ZFP37: variants seen among roughly 807,000 people sequenced by gnomAD.
ZFP37 encodes ZFP37 zinc finger protein.
A neutral mutation model predicts 52.1 loss-of-function variants in ZFP37; 38 were observed. That is an observed-to-expected ratio of 0.73 (90% CI 0.56 to 0.96). The LOEUF (loss-of-function observed/expected upper bound fraction) is 0.96, where lower values mean the gene tolerates loss of function less well. Ranked by LOEUF, ZFP37 falls within the 40% of genes least tolerant of loss-of-function variation. ZFP37 has a pLI of 0.00. For synonymous variants in ZFP37, 253 were observed against 259.5 expected (o/e 0.98, Z 0.24); for missense variants, 695 against 741.4 (o/e 0.94, Z 0.73).
At position 113,043,162 on chromosome 9, in the gene ZFP37, CCTTAGTATGAGT is replaced by C. The variant is rs763226589; in HGVS notation, c.1444_1455del (p.Thr482_Lys485del). On this transcript the variant is annotated inframe_deletion, in exon 4 of 4. Transcript: ENST00000374227. ...CACTCATTACATTTATAAGGTTTCTCCTTAGTATGAGTTCTTTGATGTATAATGAGGTGTGAC... is the reference window on the plus strand; with the variant it reads ...CACTCATTACATTTATAAGGTTTCTCTCTTTGATGTATAATGAGGTGTGAC... 1.2e-6 allele frequency: 2 copies of C among 1,613,796 alleles called. No homozygotes were observed. The highest frequency in any genetic ancestry group is 2.2e-5 in the South Asian group (2 of 91,070).
chr9:113,042,590 G>T lies in ZFP37; in HGVS notation c.*135C>A. The T allele has an allele frequency of 1.5e-6, 1 of 655,226 alleles. No individual in the cohort carries two copies. The highest frequency in any genetic ancestry group is 2.4e-6 in the Non-Finnish European group (1 of 413,158). The allele number at this position is 655,226 out of a possible 1,614,324, so 40.6% of individuals were successfully genotyped here. ...TTTCCATCCACTGATTCTATATGAA[G>T]ATCCATTTTCAAAGTTTCTCATGTA... is the stretch of plus-strand genomic sequence containing the variant. On this transcript the variant is annotated 3_prime_UTR_variant, in exon 4 of 4. Transcript: ENST00000374227.
At position 113,042,637 on chromosome 9, in the gene ZFP37, T is replaced by A; in HGVS notation, c.*88A>T. ...TGTACAACAAGGTGTGACATCTTGCTAAAGGCTTTCTAACACTCTTTAAAA... is the reference window on the plus strand; with the variant it reads ...TGTACAACAAGGTGTGACATCTTGCAAAAGGCTTTCTAACACTCTTTAAAA... On this transcript the variant is annotated 3_prime_UTR_variant, in exon 4 of 4. Coordinates refer to ENST00000374227, the MANE Select transcript of ZFP37 (RefSeq NM_003408.3). The A allele has an allele frequency of 8.3e-7, 1 of 1,200,004 alleles. No homozygotes were observed. The highest frequency in any genetic ancestry group is 1.5e-5 in the African/African-American group (1 of 64,960). 74.3% of individuals were successfully genotyped at this position (1,200,004 alleles called of 1,614,324 possible).
chr9:113,043,319 A>G lies in ZFP37; in HGVS notation c.1299T>C (p.Tyr433=). ...HVRTHTGEIP[Y]ECNECGKAFK... Reference sequence around the variant, plus strand: ...AGGCTTTTCCACATTCATTGCATTCATATGGTATTTCACCTGTATGTGTTC... The same window carrying G: ...AGGCTTTTCCACATTCATTGCATTCGTATGGTATTTCACCTGTATGTGTTC... The change falls in exon 4 of 4, where the codon TAT becomes TAC. Residue 433 remains tyrosine (Y), a synonymous_variant. Coordinates refer to ENST00000374227, the MANE Select transcript of ZFP37 (RefSeq NM_003408.3). The G allele has an allele frequency of 1.2e-6, 2 of 1,614,068 alleles. No individual in the cohort carries two copies. Among genetic ancestry groups the G allele is most frequent in the Non-Finnish European group, 1.7e-6 (2 of 1,179,978 alleles).
At position 113,043,063 on chromosome 9, in the gene ZFP37, A is replaced by G. The variant is rs1828878180; in HGVS notation, c.1555T>C (p.Cys519Arg). Residue 519 changes from cysteine (C) to arginine (R), a missense_variant, in exon 4 of 4, where the codon TGT (cysteine) becomes CGT (arginine). Physicochemically the swap from Cys to Arg is radical, Grantham distance 180. Transcript: ENST00000374227. ...TTAAAGCCTTTCCCACATTGATTAC[A>G]TTCAAAGGGACTTTCACCTGTATGA... ...RTHTGESPFECNQCGKGFKQI... is the reference protein window; with the variant it reads ...RTHTGESPFERNQCGKGFKQI... 1 of 1,613,500 alleles carries G rather than the reference A, an allele frequency of 6.2e-7. No individual in the cohort carries two copies. The highest frequency in any genetic ancestry group is 1.1e-5 in the South Asian group (1 of 91,082).
chr9:113,054,759 A>G (rs532532542), intron 1 of ZFP37, among the ~76,000 whole-genome samples: 14 of 152,176 alleles, frequency 9.2e-5, no homozygotes, highest in Non-Finnish European at 1.5e-4. Flanking sequence ...AGTAAGTTCT[A>G]TTGCTTATCT....
Position 113,056,719 on chromosome 9 carries a change from TC to T in ZFP37, c.-32del. ...CTACCCGGAGGGCGGCCTTAGCGGG[TC>T]CGGCAGCCGCGATGGCGGCGCCCTT... On this transcript the variant is annotated 5_prime_UTR_variant, in exon 1 of 4. Transcript: ENST00000374227. 6.2e-7 allele frequency: 1 copy of T among 1,601,930 alleles called. No individual in the cohort carries two copies. Among genetic ancestry groups the T allele is most frequent in the Non-Finnish European group, 8.5e-7 (1 of 1,174,422 alleles).
chr9:113,047,236 C>A (rs1828973433), intron 3 of ZFP37, among the ~76,000 whole-genome samples: 1 of 152,004 alleles, frequency 6.6e-6, no homozygotes, highest in Admixed American at 6.6e-5. Flanking sequence ...GTAAGGATAG[C>A]CAAAACTGGA....
At position 113,042,242 on chromosome 9, in the gene ZFP37, G is replaced by A. The variant is rs1828859154; in HGVS notation, c.*483C>T. 1 of 151,890 alleles carries A rather than the reference G, an allele frequency of 6.6e-6. No homozygotes were observed. Among genetic ancestry groups the A allele is most frequent in the African/African-American group, 2.4e-5 (1 of 41,358 alleles). 9.4% of individuals were successfully genotyped at this position (151,890 alleles called of 1,614,324 possible). A position where few individuals can be genotyped will look rare whatever the true frequency, so the allele number is the denominator to read the frequency against. On this transcript the variant is annotated 3_prime_UTR_variant, in exon 4 of 4. Transcript: ENST00000374227. ...TAACAACCCTTTTAAAAAGATTTCT[G>A]CTGATGCAGAAGCCAACACAGACAT... is the stretch of plus-strand genomic sequence containing the variant.
In ZFP37 at chr9:113,043,420, T is replaced by TGTGA. The variant is rs1828890392; in HGVS notation, c.1194_1197dup (p.Thr400SerfsTer4). On this transcript the variant is annotated frameshift_variant, in exon 4 of 4. Transcript: ENST00000374227. LOFTEE classifies it high-confidence loss of function. ...TTACATTCATATGGCTTCTCACCTG[T>TGTGA]GTGAGATCTCACATGTTGAATAAGG... is the stretch of plus-strand genomic sequence containing the variant. The TGTGA allele has an allele frequency of 3.7e-6, 6 of 1,614,122 alleles. No homozygotes were observed. Among genetic ancestry groups the TGTGA allele is most frequent in the Non-Finnish European group, 5.1e-6 (6 of 1,179,966 alleles).
rs150202877 is a variant in ZFP37 at position 113,056,331 on chromosome 9, A to G, written c.132+226T>C. 3.8e-4 allele frequency among the ~76,000 whole-genome samples: 58 copies of G among 152,264 alleles called. 1 individual carries two copies. In the East Asian group the frequency reaches 8.9e-3, roughly 23 times the overall value. ...CAAACTCCGACACTCGGTGACTGCCACAGACGCCTCCCCATCATTGTCTCT... is the reference window on the plus strand; with the variant it reads ...CAAACTCCGACACTCGGTGACTGCCGCAGACGCCTCCCCATCATTGTCTCT... On this transcript the variant is annotated intron_variant, in intron 1 of 3. Coordinates refer to ENST00000374227, the MANE Select transcript of ZFP37 (RefSeq NM_003408.3).
At position 113,041,650 on chromosome 9, in the gene ZFP37, T is replaced by C. The variant is rs1361839626; in HGVS notation, c.*1075A>G. 6.6e-6 allele frequency: 1 copy of C among 152,330 alleles called. No individual in the cohort carries two copies. The highest frequency in any genetic ancestry group is 1.5e-5 in the Non-Finnish European group (1 of 68,034). 9.4% of individuals were successfully genotyped at this position (152,330 alleles called of 1,614,324 possible). ...TGTTAATGAAAGAACTTGTGTGTGATAGAAAAAGTCTTTATGAATTCAACA... is the reference window on the plus strand; with the variant it reads ...TGTTAATGAAAGAACTTGTGTGTGACAGAAAAAGTCTTTATGAATTCAACA... On this transcript the variant is annotated 3_prime_UTR_variant, in exon 4 of 4. Coordinates refer to ENST00000374227, the MANE Select transcript of ZFP37 (RefSeq NM_003408.3).
intron 1 of ZFP37, among the ~76,000 whole-genome samples, chr9:113,051,215 A>C (rs1829051724): frequency 1.3e-5 from 2 of 152,184 alleles, no homozygotes; most frequent in Admixed American, 1.3e-4. Flanking sequence ...AACTGTTATG[A>C]AAGTATCCTT....
Position 113,040,118 on chromosome 9 carries a change from A to G in ZFP37, c.*2607T>C, listed in dbSNP as rs1828823350. ...TTTTCCTATACTAACCTCCAATTGTATTTAGACATCCTTTCCTCATTCATC... is the reference window on the plus strand; with the variant it reads ...TTTTCCTATACTAACCTCCAATTGTGTTTAGACATCCTTTCCTCATTCATC... On this transcript the variant is annotated 3_prime_UTR_variant, in exon 4 of 4. Coordinates refer to ENST00000374227, the MANE Select transcript of ZFP37 (RefSeq NM_003408.3). 1 of 152,242 alleles carries G rather than the reference A, an allele frequency of 6.6e-6. No homozygotes were observed. Among genetic ancestry groups the G allele is most frequent in the Non-Finnish European group, 1.5e-5 (1 of 68,040 alleles). The allele number at this position is 152,242 out of a possible 1,614,324, so 9.4% of individuals were successfully genotyped here. A position where few individuals can be genotyped will look rare whatever the true frequency, so the allele number is the denominator to read the frequency against.
At chr9:113,046,219 T>C (rs1418532541) in intron 3 of ZFP37, among the ~76,000 whole-genome samples, 2 of 33,392 alleles carry the variant, frequency 6.0e-5, no homozygotes, top group East Asian at 3.5e-3. Context: ...TATCTATATA[T>C]AGACATATAT....
intron 3 of ZFP37, among the ~76,000 whole-genome samples, chr9:113,048,454 G>A (rs1828997457): frequency 6.6e-6 from 1 of 152,102 alleles, no homozygotes; most frequent in Non-Finnish European, 1.5e-5. Flanking sequence ...GGAAAAGGGA[G>A]GATGCTTTTT....
At chr9:113,046,142 CTATATATATAGACAGATATATATCTATA>C in intron 3 of ZFP37, among the ~76,000 whole-genome samples, 1 of 149,174 alleles carries the variant, frequency 6.7e-6, no homozygotes, top group Non-Finnish European at 1.5e-5. Context: ...ATATATCTGT[CTATATATATAGACAGATATATATCTATA>C]TATAGACAGA....
Position 113,043,168 on chromosome 9 carries a change from T to C in ZFP37, c.1450A>G (p.Thr484Ala). ...SHLIIHQRTH[T>A]KEKPYKCNEC... ...TTACATTTATAAGGTTTCTCCTTAG[T>C]ATGAGTTCTTTGATGTATAATGAGG... Residue 484 changes from threonine to alanine, a missense_variant, in exon 4 of 4, where the codon ACT (threonine) becomes GCT (alanine). Physicochemically the swap from Thr to Ala is moderately conservative, Grantham distance 58 (BLOSUM62 0). Transcript: ENST00000374227. 6.2e-7 allele frequency: 1 copy of C among 1,613,860 alleles called. No homozygotes were observed. Among genetic ancestry groups the C allele is most frequent in the South Asian group, 1.1e-5 (1 of 91,076 alleles).
intron 1 of ZFP37, chr9:113,050,123 G>A: frequency 2.4e-6 from 1 of 422,668 alleles, no homozygotes; most frequent in Non-Finnish European, 4.0e-6. Context: ...AGTGGCTCAT[G>A]CCTGTAATCC....
chr9:113,051,753 C>A (rs967974891), intron 1 of ZFP37, among the ~76,000 whole-genome samples: 1 of 152,140 alleles, frequency 6.6e-6, no homozygotes, highest in African/African-American at 2.4e-5. Flanking sequence ...CTGTGCCTGG[C>A]CAGACCACCA....
Sources: allele counts gnomAD v4.1 joint callset (sites outside exome capture counted in the v4.1 genomes callset), GRCh38; gene constraint gnomAD v4.1.1; transcripts MANE v1.5; gene names NCBI Gene and HGNC (gene_info 2026-07-23, HGNC 2026-07-21).